The following NLGN4X variants were observed in gnomAD, a reference collection of about 807,000 sequenced individuals.
The protein encoded by NLGN4X is neuroligin 4 X-linked.
In NLGN4X, 3 loss-of-function variants were observed where a neutral mutation model predicts 40.3. The ratio of observed to expected loss-of-function variants is 0.07; its 90% CI spans 0.03 to 0.19. NLGN4X has a LOEUF of 0.19. Ranked by LOEUF, NLGN4X falls within the 10% of genes least tolerant of loss-of-function variation. The probability of loss-of-function intolerance (pLI) is 1.00; values close to 1 mark genes in which losing one functional copy is unlikely to be tolerated. For missense variants in NLGN4X, 382 were observed against 708.3 expected (o/e 0.54, Z 5.23); for synonymous variants, 270 against 306.8 (o/e 0.88, Z 1.25).
At chrX:6,130,496 C>T (rs1022643205) in intron 2 of NLGN4X, among the ~76,000 whole-genome samples, 2 of 112,610 alleles carry the variant, frequency 1.8e-5, no homozygotes, top group Non-Finnish European at 3.7e-5. Context: ...AGTAGCATTA[C>T]TTCTGTTTCA....
At chrX:6,019,003 C>T in intron 3 of NLGN4X, among the ~76,000 whole-genome samples, 1 of 112,161 alleles carries the variant, frequency 8.9e-6, no homozygotes. Flanking sequence ...TATGGCTGGA[C>T]GTGCCAATCA....
chrX:5,956,257 A>G (rs1360698685), intron 3 of NLGN4X, among the ~76,000 whole-genome samples: 4 of 109,088 alleles, frequency 3.7e-5, no homozygotes, highest in African/African-American at 1.3e-4. Flanking sequence ...CTCAAGAAAA[A>G]AATGCATGTA....
intron 3 of NLGN4X, among the ~76,000 whole-genome samples, chrX:6,010,513 T>TTTA (rs58321620): frequency 0.025 from 2,426 of 95,363 alleles, 56 homozygotes; most frequent in South Asian, 0.14. Context: ...TTCTTTTTAT[T>TTTA]TTATTATTAT....
chrX:6,074,562 G>A (rs1367104240), intron 2 of NLGN4X, among the ~76,000 whole-genome samples: 1 of 112,071 alleles, frequency 8.9e-6, no homozygotes, highest in East Asian at 2.8e-4. Context: ...CTTGCAGCAG[G>A]TTGAAGGTTT....
At chrX:6,039,097 TAGAG>T (rs771627684) in intron 2 of NLGN4X, among the ~76,000 whole-genome samples, 9 of 111,234 alleles carry the variant, frequency 8.1e-5, no homozygotes, top group African/African-American at 2.9e-4. Flanking sequence ...TCCTCATACA[TAGAG>T]AGTCTGTACT....
At position 6,051,519 on chromosome X, in the gene NLGN4X, G is replaced by T. The variant is rs147009174; in HGVS notation, c.473-22087C>A. 8.2e-3 allele frequency among the ~76,000 whole-genome samples: 911 copies of T among 111,010 alleles called. 3 individuals are homozygous for T. Among genetic ancestry groups the T allele is most frequent in the Admixed American group, 0.014 (145 of 10,402 alleles). Reference sequence around the variant, plus strand: ...AGAAGGCCTTGTAAAGATGAAGACAGACATTGAAGTGACGCTTCCAAGAAA... The same window carrying T: ...AGAAGGCCTTGTAAAGATGAAGACATACATTGAAGTGACGCTTCCAAGAAA... On this transcript the variant is annotated intron_variant, in intron 2 of 5. Coordinates refer to ENST00000381095, the MANE Select transcript of NLGN4X (RefSeq NM_181332.3).
At chrX:6,092,712 T>C (rs1490760824) in intron 2 of NLGN4X, among the ~76,000 whole-genome samples, 1 of 111,717 alleles carries the variant, frequency 9.0e-6, no homozygotes, top group Non-Finnish European at 1.9e-5. Context: ...CAAGGAAGAT[T>C]TGAAAAATGA....
chrX:6,007,789 TG>T (rs1481570312), intron 3 of NLGN4X, among the ~76,000 whole-genome samples: 2 of 111,873 alleles, frequency 1.8e-5, no homozygotes, highest in Admixed American at 1.9e-4. Context: ...AGTCTTTCCC[TG>T]GTCAAAAGCA....
intron 3 of NLGN4X, among the ~76,000 whole-genome samples, chrX:6,000,662 G>A (rs1402595208): frequency 9.0e-6 from 1 of 111,655 alleles, no homozygotes; most frequent in East Asian, 2.8e-4. Flanking sequence ...TTCCTAACAA[G>A]TTACCCATAT....
At chrX:6,087,909 T>C in intron 2 of NLGN4X, among the ~76,000 whole-genome samples, 1 of 112,605 alleles carries the variant, frequency 8.9e-6, no homozygotes, top group Non-Finnish European at 1.9e-5. Flanking sequence ...GAGCTTCTGA[T>C]AGTTCTGATG....
At chrX:6,113,586 T>C (rs1261490521) in intron 2 of NLGN4X, among the ~76,000 whole-genome samples, 1 of 109,071 alleles carries the variant, frequency 9.2e-6, no homozygotes, top group African/African-American at 3.3e-5. Flanking sequence ...AAATCTGAAA[T>C]CCTGAACTGT....
At chrX:6,139,504 A>C (rs146046762) in intron 2 of NLGN4X, among the ~76,000 whole-genome samples, 3 of 112,153 alleles carry the variant, frequency 2.7e-5, no homozygotes, top group African/African-American at 9.7e-5. Context: ...GCAGCTAAAG[A>C]AGCAATAAAC....
intron 3 of NLGN4X, among the ~76,000 whole-genome samples, chrX:6,020,203 T>A (rs1176484309): frequency 1.8e-5 from 2 of 111,515 alleles, no homozygotes; most frequent in Non-Finnish European, 3.8e-5. Context: ...AACCTGAATG[T>A]CCATCATTAG....
intron 3 of NLGN4X, among the ~76,000 whole-genome samples, chrX:6,028,646 G>A (rs1368476695): frequency 3.0e-5 from 3 of 100,497 alleles, no homozygotes; most frequent in African/African-American, 1.1e-4. Flanking sequence ...GCGACAGAGT[G>A]AGATTCCATC....
intron 3 of NLGN4X, among the ~76,000 whole-genome samples, chrX:6,022,435 G>A (rs1052811102): frequency 8.9e-6 from 1 of 112,221 alleles, no homozygotes; most frequent in African/African-American, 3.2e-5. Flanking sequence ...TAGAAAAAAA[G>A]AAATAAAATA....
At chrX:6,010,586 T>C (rs182206405) in intron 3 of NLGN4X, among the ~76,000 whole-genome samples, 1,239 of 105,393 alleles carry the variant, frequency 0.012, 18 homozygotes, top group African/African-American at 0.04. Context: ...TGGAGTGCAG[T>C]GGTACAATCT....
At chrX:6,086,866 T>C (rs2147429478) in intron 2 of NLGN4X, among the ~76,000 whole-genome samples, 1 of 111,034 alleles carries the variant, frequency 9.0e-6, no homozygotes, top group Admixed American at 9.6e-5. Context: ...ACTCCTGGCC[T>C]CAAGTGATCC....
intron 3 of NLGN4X, among the ~76,000 whole-genome samples, chrX:5,971,603 T>C (rs2035021256): frequency 8.9e-6 from 1 of 111,823 alleles, no homozygotes; most frequent in African/African-American, 3.2e-5. Context: ...TTCACCACTT[T>C]TGTCTTATCA....
At chrX:6,179,719 T>C (rs1014498677) in intron 1 of NLGN4X, among the ~76,000 whole-genome samples, 1 of 111,673 alleles carries the variant, frequency 9.0e-6, no homozygotes, top group Admixed American at 9.6e-5. Flanking sequence ...CAGCCCAATC[T>C]CTCAGGTCCA....
Sources: gnomAD v4.1 joint callset for allele counts (sites outside exome capture counted in the v4.1 genomes callset) on GRCh38, gnomAD v4.1.1 for gene constraint, MANE v1.5 for transcripts, NCBI Gene and HGNC (gene_info 2026-07-23, HGNC 2026-07-21) for gene names.